The following NDRG1 variants were observed in gnomAD, a reference collection of about 807,000 sequenced individuals.
NDRG1 encodes the protein N-myc downstream regulated 1.
Under a neutral mutation model 56.9 loss-of-function variants are expected in NDRG1, and 32 were observed. The observed-to-expected ratio is 0.56, with a 90% CI of 0.42 to 0.76. The LOEUF (loss-of-function observed/expected upper bound fraction) is 0.76, where lower values mean the gene tolerates loss of function less well. Ranked by LOEUF, NDRG1 falls within the 30% of genes least tolerant of loss-of-function variation. NDRG1 has a pLI of 0.00. For missense variants in NDRG1, 507 were observed against 545.7 expected, an observed-to-expected ratio of 0.93 and a Z score of 0.71; for synonymous variants, 211 against 204.1, an observed-to-expected ratio of 1.03 and a Z score of -0.29.
Position 133,266,765 on chromosome 8 carries a change from A to G in NDRG1, c.100-2113T>C, listed in dbSNP as rs373216285. Among the ~76,000 whole-genome samples, 40 of 152,322 alleles carry G rather than the reference A, an allele frequency of 2.6e-4. 1 individual carries two copies. The highest frequency in any genetic ancestry group is 9.4e-4 in the African/African-American group (39 of 41,578). On this transcript the variant is annotated intron_variant, in intron 3 of 15. Transcript: ENST00000323851. ...GGTCCCCTTTGTCCCCGCAGGGACGAGTGGGTGACAACTCACAAGCTAGTG... is the reference window on the plus strand; with the variant it reads ...GGTCCCCTTTGTCCCCGCAGGGACGGGTGGGTGACAACTCACAAGCTAGTG...
At chr8:133,282,696 C>T (rs188985818) in intron 2 of NDRG1, among the ~76,000 whole-genome samples, 27 of 152,340 alleles carry the variant, frequency 1.8e-4, no homozygotes, top group Non-Finnish European at 3.1e-4. Context: ...TGTTGGAACA[C>T]ATTAAGTACA....
chr8:133,259,038 A>C, intron 6 of NDRG1, 130 bp downstream of exon 6: 1 of 902,484 alleles, frequency 1.1e-6, no homozygotes, highest in Non-Finnish European at 1.9e-6. Context: ...GTGACGAGCT[A>C]ATTTCTTGCC....
intron 15 of NDRG1, chr8:133,240,222 G>A (rs971533124): frequency 6.6e-6 from 1 of 152,146 alleles, no homozygotes. Context: ...TGTTACGGCA[G>A]CTTTAGGAAA....
At position 133,258,359 on chromosome 8, in the gene NDRG1, C is replaced by A; in HGVS notation, c.450+7G>T. On this transcript the variant is annotated splice_region_variant and intron_variant, in intron 7 of 15. Transcript: ENST00000323851. The stretch of plus-strand genomic sequence containing the variant: ...ATGCGATTTTCAAAAAATGCCAAAG[C>A]ACTCACAGCAAATCGAGTTAGGATG... The A allele has an allele frequency of 6.2e-7, 1 of 1,610,188 alleles. No homozygotes were observed. Among genetic ancestry groups the A allele is most frequent in the Non-Finnish European group, 8.5e-7 (1 of 1,178,180 alleles).
chr8:133,273,603 C>T (rs1857303116), intron 3 of NDRG1, among the ~76,000 whole-genome samples: 1 of 152,194 alleles, frequency 6.6e-6, no homozygotes, highest in Non-Finnish European at 1.5e-5. Context: ...AGAGGCCAGC[C>T]ATTACGACTT....
At chr8:133,271,778 TAAAAAAAAAA>T (rs66733314) in intron 3 of NDRG1, among the ~76,000 whole-genome samples, 2 of 30,468 alleles carry the variant, frequency 6.6e-5, no homozygotes, top group African/African-American at 1.3e-4. Context: ...AGACCCTGTC[TAAAAAAAAAA>T]AAAAAAAAAA....
At chr8:133,284,388 A>G in intron 1 of NDRG1, 59 bp from the exon 2 acceptor site, 2 of 1,527,670 alleles carry the variant, frequency 1.3e-6, no homozygotes, top group Non-Finnish European at 9.1e-7. Context: ...TCCTAAAGGA[A>G]GCAAATCCAA....
chr8:133,261,998 G>A lies in NDRG1; in HGVS notation c.326+49C>T, dbSNP rs2233323. The A allele has an allele frequency of 6.2e-5, 96 of 1,540,106 alleles. No homozygotes were observed. In the African/African-American group the frequency reaches 8.6e-4, roughly 14 times the overall value. ...GAGCAAAGCACCTGAACCCCTCCCC[G>A]ACACCCAGTTTCCACCCTGTAGAGC... is the stretch of plus-strand genomic sequence containing the variant. On this transcript the variant is annotated intron_variant, in intron 5 of 15. Transcript: ENST00000323851.
At chr8:133,272,350 A>C (rs567816185) in intron 3 of NDRG1, among the ~76,000 whole-genome samples, 1 of 152,350 alleles carries the variant, frequency 6.6e-6, no homozygotes, top group East Asian at 1.9e-4. Flanking sequence ...GGAGGGCGAC[A>C]AAGACCTGTG....
rs1403681249 is a variant in NDRG1 at position 133,262,052 on chromosome 8, G to A, written c.321C>T (p.Pro107=). ...PGQQDGAASF[P]AGYMYPSMDQ... ...TAGGGCAAGAGGCCTCTCACCCTGC[G>A]GGGAAGGAGGCTGCGCCGTCCTGCT... The change falls in exon 5 of 16, where the codon CCC becomes CCT. Residue 107 remains proline (P), a synonymous_variant. Coordinates refer to ENST00000323851, the MANE Select transcript of NDRG1 (RefSeq NM_006096.4). The A allele has an allele frequency of 1.1e-5, 18 of 1,611,352 alleles. No individual in the cohort carries two copies. The highest frequency in any genetic ancestry group is 6.7e-5 in the Admixed American group (4 of 59,632).
intron 6 of NDRG1, among the ~76,000 whole-genome samples, chr8:133,258,715 T>G (rs1856513478): frequency 6.6e-6 from 1 of 152,250 alleles, no homozygotes; most frequent in Non-Finnish European, 1.5e-5. Flanking sequence ...TTCCCACTCT[T>G]AAGCTTTATT....
chr8:133,262,786 A>T (rs926656073), intron 4 of NDRG1, among the ~76,000 whole-genome samples: 9 of 152,146 alleles, frequency 5.9e-5, no homozygotes, highest in African/African-American at 2.2e-4. Flanking sequence ...ATAGCCTGTG[A>T]CCGTCACCAT....
In NDRG1 at chr8:133,237,242, G is replaced by A; in HGVS notation, c.*1636C>T. ...TCTCATTAAGAAACTCCTCTGGAAA[G>A]ACTTGTGCACAATAGTTTCCCATCC... On this transcript the variant is annotated 3_prime_UTR_variant, in exon 16 of 16. Transcript: ENST00000323851. The A allele has an allele frequency of 4.4e-6, 1 of 228,322 alleles. No individual in the cohort carries two copies. The allele number at this position is 228,322 out of a possible 1,614,324, so 14.1% of individuals were successfully genotyped here. A position where few individuals can be genotyped will look rare whatever the true frequency, so the allele number is the denominator to read the frequency against.
At chr8:133,269,156 C>A (rs137934582) in intron 3 of NDRG1, among the ~76,000 whole-genome samples, 3 of 152,260 alleles carry the variant, frequency 2.0e-5, no homozygotes, top group East Asian at 1.9e-4. Context: ...GTGCACTGTT[C>A]GTCCTCTTGC....
chr8:133,239,781 T>C (rs1334274013), intron 15 of NDRG1: 1 of 154,696 alleles, frequency 6.5e-6, no homozygotes, highest in Non-Finnish European at 1.4e-5. Flanking sequence ...GGAACAATCC[T>C]GCCCACCTGT....
chr8:133,243,761 A>G (rs1300288325), intron 14 of NDRG1, among the ~76,000 whole-genome samples: 2 of 152,224 alleles, frequency 1.3e-5, no homozygotes, highest in South Asian at 2.1e-4. Context: ...GGAACACAAA[A>G]CTGTCAGGAT....
intron 2 of NDRG1, among the ~76,000 whole-genome samples, chr8:133,284,041 G>A (rs1857960385): frequency 6.6e-6 from 1 of 152,236 alleles, no homozygotes; most frequent in Non-Finnish European, 1.5e-5. Flanking sequence ...AGGAAGCAGT[G>A]GACAAATGTG....
chr8:133,285,618 C>T (rs567833373), intron 1 of NDRG1, among the ~76,000 whole-genome samples: 20 of 152,228 alleles, frequency 1.3e-4, no homozygotes, highest in Non-Finnish European at 2.6e-4. Context: ...CGAATCCACC[C>T]CGGGTCCATC....
intron 3 of NDRG1, among the ~76,000 whole-genome samples, chr8:133,276,038 C>T (rs1014962842): frequency 2.0e-5 from 3 of 152,296 alleles, no homozygotes; most frequent in South Asian, 4.1e-4. Flanking sequence ...AAGGAAGGCA[C>T]AATAGGGAAA....
Sources: allele counts gnomAD v4.1 joint callset (sites outside exome capture counted in the v4.1 genomes callset), GRCh38; gene constraint gnomAD v4.1.1; transcripts MANE v1.5; gene names NCBI Gene and HGNC (gene_info 2026-07-23, HGNC 2026-07-21).